The following KCNH5 variants were observed in gnomAD, a reference collection of about 807,000 sequenced individuals.
KCNH5 encodes the protein potassium voltage-gated channel subfamily H member 5.
KCNH5 carries 46 observed loss-of-function variants against 96.1 expected under a neutral mutation model. That is an observed-to-expected ratio of 0.48 (90% CI 0.38 to 0.61). The LOEUF (loss-of-function observed/expected upper bound fraction) is 0.61. KCNH5 is among the 20% of genes least tolerant of loss of function. The pLI is 0.00. For synonymous variants in KCNH5, 439 were observed against 449.8 expected, an observed-to-expected ratio of 0.98 and a Z score of 0.30; for missense variants, 907 against 1,225.8, an observed-to-expected ratio of 0.74 and a Z score of 3.88.
intron 10 of KCNH5, among the ~76,000 whole-genome samples, chr14:62,739,098 A>G (rs928259787): frequency 6.6e-6 from 1 of 152,180 alleles, no homozygotes; most frequent in Admixed American, 6.6e-5. Context: ...TTAAGGTACA[A>G]TATGAATATT....
At chr14:62,808,945 G>T (rs1886822033) in intron 8 of KCNH5, among the ~76,000 whole-genome samples, 3 of 152,060 alleles carry the variant, frequency 2.0e-5, no homozygotes. Context: ...TTTGGAAATT[G>T]TAACATTAGA....
intron 1 of KCNH5, among the ~76,000 whole-genome samples, chr14:63,034,132 C>A (rs370782401): frequency 2.0e-5 from 3 of 151,998 alleles, no homozygotes; most frequent in African/African-American, 7.3e-5. Flanking sequence ...GTTGGTCAGG[C>A]TGGTCTCGAT....
At chr14:63,023,970 G>C (rs964959233) in intron 1 of KCNH5, among the ~76,000 whole-genome samples, 1 of 152,108 alleles carries the variant, frequency 6.6e-6, no homozygotes, top group African/African-American at 2.4e-5. Flanking sequence ...AGCACTTTGG[G>C]AGGCTGAGCC....
chr14:63,035,883 AC>A (rs1213368386), intron 1 of KCNH5, among the ~76,000 whole-genome samples: 2 of 152,292 alleles, frequency 1.3e-5, no homozygotes, highest in South Asian at 2.1e-4. Flanking sequence ...CTTCTGAGCA[AC>A]CCTGTAAGGT....
chr14:63,006,570 T>A, intron 2 of KCNH5, 98 bp from the exon 3 acceptor site: 1 of 692,812 alleles, frequency 1.4e-6, no homozygotes, highest in Non-Finnish European at 2.6e-6. Flanking sequence ...CAAATGTGGC[T>A]AGAAAATATA....
chr14:62,756,987 T>C (rs1595608830), intron 10 of KCNH5, among the ~76,000 whole-genome samples: 1 of 151,844 alleles, frequency 6.6e-6, no homozygotes, highest in African/African-American at 2.4e-5. Context: ...AAGGAAACAA[T>C]AAACAAAGTG....
At chr14:62,978,337 G>A in intron 6 of KCNH5, among the ~76,000 whole-genome samples, 1 of 152,196 alleles carries the variant, frequency 6.6e-6, no homozygotes, top group East Asian at 1.9e-4. Context: ...CACACAGCAC[G>A]TGTTGATGAA....
chr14:62,959,717 T>C (rs1055482329), intron 6 of KCNH5, among the ~76,000 whole-genome samples: 1 of 152,162 alleles, frequency 6.6e-6, no homozygotes, highest in African/African-American at 2.4e-5. Flanking sequence ...AAACTTGTTC[T>C]GAATCAGTTT....
At chr14:62,733,914 G>A (rs1216195213) in intron 10 of KCNH5, among the ~76,000 whole-genome samples, 1 of 152,058 alleles carries the variant, frequency 6.6e-6, no homozygotes, top group Non-Finnish European at 1.5e-5. Context: ...CCCAAGTGAG[G>A]TTCTCCACTC....
intron 3 of KCNH5, among the ~76,000 whole-genome samples, chr14:63,003,507 A>ATATATATTT (rs758782430): frequency 8.6e-6 from 1 of 116,202 alleles, no homozygotes; most frequent in African/African-American, 3.7e-5. Context: ...TATATATTTT[A>ATATATATTT]TATATATTTT....
chr14:62,971,283 T>C lies in KCNH5; in HGVS notation c.942+9589A>G, dbSNP rs1003546944. On this transcript the variant is annotated intron_variant, in intron 6 of 10. Coordinates refer to ENST00000322893, the MANE Select transcript of KCNH5 (RefSeq NM_139318.5). ...CCATTTACTTTAGCCCTCCCCAAAA[T>C]ACTTAAATATAAATCTAATAAAATG... is the stretch of plus-strand genomic sequence containing the variant. Among the ~76,000 whole-genome samples the C allele has an allele frequency of 5.3e-5, 8 of 152,064 alleles. No individual in the cohort carries two copies. In the East Asian group the frequency reaches 1.5e-3, roughly 29 times the overall value.
At chr14:62,818,905 A>T (rs947490676) in intron 8 of KCNH5, among the ~76,000 whole-genome samples, 4 of 152,214 alleles carry the variant, frequency 2.6e-5, no homozygotes, top group Admixed American at 2.0e-4. Flanking sequence ...CTTACCAAAT[A>T]ATGAATCGGT....
At chr14:62,810,453 C>T (rs1886850392) in intron 8 of KCNH5, among the ~76,000 whole-genome samples, 1 of 152,050 alleles carries the variant, frequency 6.6e-6, no homozygotes, top group South Asian at 2.1e-4. Flanking sequence ...ACGTACTGGG[C>T]TACACTTCCA....
rs533352482 is a variant in KCNH5, at chr14:62,955,140, G to C, written c.943-4581C>G. Among the ~76,000 whole-genome samples the C allele has an allele frequency of 8.6e-5, 13 of 151,834 alleles. 1 individual carries two copies. The South Asian group carries it at 2.7e-3, about 32-fold the overall frequency. On this transcript the variant is annotated intron_variant, in intron 6 of 10. Coordinates refer to ENST00000322893, the MANE Select transcript of KCNH5 (RefSeq NM_139318.5). ...CTATTAGGAAATGTGAAAGGAACTG[G>C]AAAAAGGGAGATTGGAGCAGGGCAC...
At chr14:62,996,184 G>A (rs567567214) in intron 4 of KCNH5, among the ~76,000 whole-genome samples, 1 of 152,248 alleles carries the variant, frequency 6.6e-6, no homozygotes, top group African/African-American at 2.4e-5. Flanking sequence ...TACACTGCTA[G>A]CTTCAAGATA....
At chr14:62,886,964 T>G (rs190431954) in intron 7 of KCNH5, among the ~76,000 whole-genome samples, 1 of 152,180 alleles carries the variant, frequency 6.6e-6, no homozygotes, top group Admixed American at 6.5e-5. Context: ...GTTAAAATAT[T>G]TCTATACATC....
chr14:62,742,750 T>C (rs1008982352), intron 10 of KCNH5, among the ~76,000 whole-genome samples: 3 of 152,142 alleles, frequency 2.0e-5, no homozygotes, highest in South Asian at 2.1e-4. Flanking sequence ...GGAGATGCCA[T>C]GGCGCCATTA....
chr14:62,962,711 A>T (rs935600405), intron 6 of KCNH5, among the ~76,000 whole-genome samples: 6 of 152,192 alleles, frequency 3.9e-5, no homozygotes, highest in African/African-American at 1.4e-4. Context: ...TTGTACAGAC[A>T]ATAATGGACA....
chr14:62,974,145 C>T (rs1890459253), intron 6 of KCNH5, among the ~76,000 whole-genome samples: 1 of 152,116 alleles, frequency 6.6e-6, no homozygotes, highest in Admixed American at 6.5e-5. Context: ...AGTCATTGTT[C>T]TATTCATTCT....
Sources: gnomAD v4.1 joint callset for allele counts (sites outside exome capture counted in the v4.1 genomes callset) on GRCh38, gnomAD v4.1.1 for gene constraint, MANE v1.5 for transcripts, NCBI Gene and HGNC (gene_info 2026-07-23, HGNC 2026-07-21) for gene names.